FA2H: variants seen among roughly 807,000 people sequenced by gnomAD.
The protein encoded by FA2H is fatty acid 2-hydroxylase.
In FA2H, 22 loss-of-function variants were observed where a neutral mutation model predicts 44.9. That is an observed-to-expected ratio of 0.49 (90% CI 0.35 to 0.70). FA2H has a LOEUF of 0.70. Ranked by LOEUF, FA2H falls within the 30% of genes least tolerant of loss-of-function variation. FA2H has a pLI of 0.01. For missense variants in FA2H, 501 were observed against 504.9 expected, an observed-to-expected ratio of 0.99 and a Z score of 0.07; for synonymous variants, 243 against 213.2, an observed-to-expected ratio of 1.14 and a Z score of -1.22.
In FA2H at chr16:74,726,199, C is replaced by G. The variant is rs1166625418; in HGVS notation, c.613+26G>C. 2.0e-6 allele frequency: 3 copies of G among 1,526,802 alleles called. No individual in the cohort carries two copies. In the Admixed American group the frequency reaches 5.0e-5, roughly 26 times the overall value. The allele number at this position is 1,526,802 out of a possible 1,614,324, so 94.6% of individuals were successfully genotyped here. On this transcript the variant is annotated intron_variant, in intron 4 of 6. Transcript: ENST00000219368. The stretch of plus-strand genomic sequence containing the variant: ...TCTCCTCCCTCTAGGATCCTCAGGG[C>G]AAGTCAGGAAAGAAACTGGCATTAC...
At chr16:74,743,343 C>T (rs1473899290) in intron 1 of FA2H, among the ~76,000 whole-genome samples, 1 of 152,186 alleles carries the variant, frequency 6.6e-6, no homozygotes, top group East Asian at 1.9e-4. Flanking sequence ...TTACAAAAAT[C>T]CTGTTTCTTA....
intron 4 of FA2H, among the ~76,000 whole-genome samples, chr16:74,723,926 G>A (rs1961894707): frequency 1.3e-5 from 2 of 151,758 alleles, no homozygotes; most frequent in South Asian, 2.1e-4. Flanking sequence ...TTTTGAGACG[G>A]AATCTCACTC....
In FA2H at chr16:74,738,315, G is replaced by A. The variant is rs1021204625; in HGVS notation, c.363+1708C>T. On this transcript the variant is annotated intron_variant, in intron 2 of 6. Transcript: ENST00000219368. The stretch of plus-strand genomic sequence containing the variant: ...GTCCATGGGGGAGGAGGGGCCCCTC[G>A]TCCCCTTGGGTGTGGTCGTGGTGAC... Among the ~76,000 whole-genome samples the A allele has an allele frequency of 3.0e-4, 45 of 152,132 alleles. 1 individual carries two copies. The highest frequency in any genetic ancestry group is 1.0e-3 in the South Asian group (5 of 4,824).
intron 6 of FA2H, among the ~76,000 whole-genome samples, chr16:74,715,226 G>A (rs1225886896): frequency 6.6e-6 from 1 of 152,114 alleles, no homozygotes; most frequent in Non-Finnish European, 1.5e-5. Context: ...TCTGAATTGA[G>A]ATGTGCTGTA....
intron 1 of FA2H, among the ~76,000 whole-genome samples, chr16:74,748,759 T>C (rs1349108344): frequency 3.4e-5 from 5 of 149,076 alleles, no homozygotes; most frequent in Non-Finnish European, 6.0e-5. Context: ...AAGGAGGCAG[T>C]GTGCGGCGGG....
intron 1 of FA2H, among the ~76,000 whole-genome samples, chr16:74,746,356 C>G (rs1962423120): frequency 6.7e-6 from 1 of 148,630 alleles, no homozygotes; most frequent in South Asian, 2.2e-4. Context: ...AACTCCTGGG[C>G]TCAATTATTA....
chr16:74,733,504 G>A (rs1278317985), intron 2 of FA2H, among the ~76,000 whole-genome samples: 1 of 152,146 alleles, frequency 6.6e-6, no homozygotes, highest in Non-Finnish European at 1.5e-5. Context: ...CTGGCACCCT[G>A]TGCACTTGAC....
At chr16:74,767,533 T>C (rs1014085054) in intron 1 of FA2H, among the ~76,000 whole-genome samples, 2 of 152,188 alleles carry the variant, frequency 1.3e-5, no homozygotes, top group African/African-American at 4.8e-5. Flanking sequence ...GGGTCCAGTG[T>C]GACCCCGAGT....
Position 74,727,272 on chromosome 16 carries a change from G to T in FA2H, c.478C>A (p.Leu160Ile), listed in dbSNP as rs1434512253. 6.2e-7 allele frequency: 1 copy of T among 1,614,136 alleles called. No individual in the cohort carries two copies. ...TRPIRLFHSD[L>I]IEGLSKTVWY... ...ACAGTCTTAGAGAGGCCCTCAATGA[G>T]GTCTGAGTGGAAGAGGCGGATGGGC... The change falls in exon 3 of 7, where the codon CTC becomes ATC. Residue 160 changes from leucine to isoleucine, a missense_variant. Physicochemically the swap from Leu to Ile is conservative, Grantham distance 5. Coordinates refer to ENST00000219368, the MANE Select transcript of FA2H (RefSeq NM_024306.5).
chr16:74,743,287 A>ATC (rs1312668217), intron 1 of FA2H, among the ~76,000 whole-genome samples: 1 of 152,246 alleles, frequency 6.6e-6, no homozygotes, highest in African/African-American at 2.4e-5. Context: ...ACAGGAAGTA[A>ATC]ATCAAATGTT....
intron 2 of FA2H, among the ~76,000 whole-genome samples, chr16:74,737,749 C>G (rs1438871018): frequency 6.6e-6 from 1 of 151,284 alleles, no homozygotes; most frequent in Non-Finnish European, 1.5e-5. Context: ...GGCAGGTGTG[C>G]AAACCCACCC....
At chr16:74,716,273 A>G (rs1961694081) in intron 6 of FA2H, 74 bp downstream of exon 6, 5 of 1,555,502 alleles carry the variant, frequency 3.2e-6, no homozygotes, top group Non-Finnish European at 4.4e-6. Context: ...TGCCGTTCCC[A>G]GGAGCTCGAT....
At chr16:74,736,491 T>C (rs1962183150) in intron 2 of FA2H, among the ~76,000 whole-genome samples, 1 of 151,734 alleles carries the variant, frequency 6.6e-6, no homozygotes, top group South Asian at 2.1e-4. Context: ...GATCTGGGGG[T>C]CCTAAATGGG....
chr16:74,734,036 C>T (rs1962132236), intron 2 of FA2H, among the ~76,000 whole-genome samples: 1 of 152,236 alleles, frequency 6.6e-6, no homozygotes, highest in Non-Finnish European at 1.5e-5. Context: ...GAAGACCCCT[C>T]TCCTACTCCC....
At chr16:74,723,019 C>T (rs1392354192) in intron 4 of FA2H, among the ~76,000 whole-genome samples, 1 of 152,192 alleles carries the variant, frequency 6.6e-6, no homozygotes, top group Non-Finnish European at 1.5e-5. Context: ...TTTTAGTCCA[C>T]CTCTAAGCTG....
intron 1 of FA2H, among the ~76,000 whole-genome samples, chr16:74,767,726 C>T (rs148856779): frequency 3.9e-5 from 6 of 152,330 alleles, no homozygotes; most frequent in African/African-American, 1.4e-4. Flanking sequence ...AGGAATGCTT[C>T]CCTGCAGATT....
chr16:74,751,349 G>T (rs1046684304), intron 1 of FA2H, among the ~76,000 whole-genome samples: 3 of 152,112 alleles, frequency 2.0e-5, no homozygotes, highest in Non-Finnish European at 4.4e-5. Context: ...ACCCGCCTTG[G>T]CCTCCCAAAG....
At chr16:74,769,285 T>C (rs998704178) in intron 1 of FA2H, among the ~76,000 whole-genome samples, 4 of 151,908 alleles carry the variant, frequency 2.6e-5, no homozygotes, top group Non-Finnish European at 5.9e-5. Context: ...CTTGTAGAGA[T>C]AGTTTTTCAC....
chr16:74,763,196 C>T (rs1219253922), intron 1 of FA2H, among the ~76,000 whole-genome samples: 1 of 152,100 alleles, frequency 6.6e-6, no homozygotes, highest in East Asian at 1.9e-4. Flanking sequence ...CTGTTATTAC[C>T]TAAGACTAGG....
Sources: allele counts gnomAD v4.1 joint callset (sites outside exome capture counted in the v4.1 genomes callset), GRCh38; gene constraint gnomAD v4.1.1; transcripts MANE v1.5; gene names NCBI Gene and HGNC (gene_info 2026-07-23, HGNC 2026-07-21).